Variants in ARPC4 observed in about 807,000 individuals in gnomAD.
ARPC4 encodes actin-related protein 2/3 complex subunit 4.
A neutral mutation model predicts 22.8 loss-of-function variants in ARPC4; 3 were observed. The observed-to-expected ratio is 0.13, with a 90% confidence interval of 0.06 to 0.34. The LOEUF (loss-of-function observed/expected upper bound fraction) is 0.34. ARPC4 is among the 10% of genes least tolerant of loss of function. ARPC4 has a pLI of 1.00. For missense variants in ARPC4, 98 were observed against 211.0 expected, an observed-to-expected ratio of 0.46 and a Z score of 3.32; for synonymous variants, 80 against 72.5, an observed-to-expected ratio of 1.10 and a Z score of -0.52.
rs1384884567 is a variant in ARPC4, at chr3:9,800,173, TTA to T, written c.123-10_123-9del. 6 of 1,613,550 alleles carry T rather than the reference TTA, an allele frequency of 3.7e-6. No homozygotes were observed. Among genetic ancestry groups the T allele is most frequent in the Non-Finnish European group, 5.1e-6 (6 of 1,179,746 alleles). ...TCTGTAGTACAAGTACTCTGTCACATTATGTTTTCAGGAGTAGCAAAGAGCTC... is the reference window on the plus strand; with the variant it reads ...TCTGTAGTACAAGTACTCTGTCACATTGTTTTCAGGAGTAGCAAAGAGCTC... On this transcript the variant is annotated splice_polypyrimidine_tract_variant and intron_variant, in intron 2 of 5. Coordinates refer to ENST00000397261, the MANE Select transcript of ARPC4 (RefSeq NM_005718.5).
rs1402759252 is a variant in ARPC4 at position 9,803,816 on chromosome 3, C to T, written c.331-27C>T. The T allele has an allele frequency of 6.2e-6, 10 of 1,606,300 alleles. No individual in the cohort carries two copies. The South Asian group carries it at 9.9e-5, about 16-fold the overall frequency. ...CTAATTCTCTCCTGTTCCTTCTCTTCCCCCTCCCTACTGTCTTCTTCCCTA... is the reference window on the plus strand; with the variant it reads ...CTAATTCTCTCCTGTTCCTTCTCTTTCCCCTCCCTACTGTCTTCTTCCCTA... On this transcript the variant is annotated intron_variant, in intron 4 of 5. Transcript: ENST00000397261.
chr3:9,802,113 C>A (rs2079021507), intron 4 of ARPC4, among the ~76,000 whole-genome samples: 1 of 151,150 alleles, frequency 6.6e-6, no homozygotes, highest in Non-Finnish European at 1.5e-5. Context: ...GTGGTGGGCG[C>A]CTGTAATCCT....
Position 9,800,165 on chromosome 3 carries a change from C to G in ARPC4, c.123-20C>G, listed in dbSNP as rs767431441. The G allele has an allele frequency of 1.2e-6, 2 of 1,613,056 alleles. No individual in the cohort carries two copies. The highest frequency in any genetic ancestry group is 1.7e-5 in the Admixed American group (1 of 59,912). On this transcript the variant is annotated intron_variant, in intron 2 of 5. Transcript: ENST00000397261. ...TCTATCCCTCTGTAGTACAAGTACT[C>G]TGTCACATTATGTTTTCAGGAGTAG...
At chr3:9,796,328 C>T (rs35657130) in intron 1 of ARPC4, among the ~76,000 whole-genome samples, 4 of 151,958 alleles carry the variant, frequency 2.6e-5, no homozygotes, top group African/African-American at 4.8e-5. Flanking sequence ...CAGGAGGCGG[C>T]GATTGCCGTG....
chr3:9,792,591 G>A, upstream of ARPC4: 1 of 1,230,228 alleles, frequency 8.1e-7, no homozygotes, highest in South Asian at 4.1e-5. Flanking sequence ...CTAGAGGTGG[G>A]GTGCGGGTGG....
At chr3:9,802,770 G>A (rs1030294536) in intron 4 of ARPC4, among the ~76,000 whole-genome samples, 2 of 149,704 alleles carry the variant, frequency 1.3e-5, no homozygotes, top group African/African-American at 4.9e-5. Context: ...CACCTCCCAG[G>A]TCAAGTGATT....
At chr3:9,805,458 G>A (rs1256125966) in intron 5 of ARPC4, among the ~76,000 whole-genome samples, 1 of 152,220 alleles carries the variant, frequency 6.6e-6, no homozygotes, top group Non-Finnish European at 1.5e-5. Context: ...CCAAAGGTCG[G>A]GTAGCTATGG....
rs2079014045 is a variant in ARPC4, at chr3:9,801,749, C to T, written c.323C>T (p.Pro108Leu). Residue 108 changes from proline (P) to leucine (L), a missense_variant, in exon 4 of 6, where the codon CCT (proline) becomes CTT (leucine). Transcript: ENST00000397261. ...AENFFILRRK[P>L]VEGYDISFLI... ...AACTTCTTTATCCTTCGAAGGAAGC[C>T]TGTGGAGGTGAGACCCTGTGACCCA... is the stretch of plus-strand genomic sequence containing the variant. 1 of 1,599,988 alleles carries T rather than the reference C, an allele frequency of 6.3e-7. No individual in the cohort carries two copies. Among genetic ancestry groups the T allele is most frequent in the Non-Finnish European group, 8.5e-7 (1 of 1,171,204 alleles).
chr3:9,794,063 A>G (rs771114909), intron 1 of ARPC4, among the ~76,000 whole-genome samples: 72 of 148,744 alleles, frequency 4.8e-4, no homozygotes, highest in Admixed American at 4.7e-4. Context: ...AAAAATCTGT[A>G]TTTTTTTTTT....
chr3:9,803,060 T>A (rs1300276411), intron 4 of ARPC4, among the ~76,000 whole-genome samples: 1 of 152,102 alleles, frequency 6.6e-6, no homozygotes, highest in Non-Finnish European at 1.5e-5. Context: ...ATTTTTTGTA[T>A]TTTTAGTAGA....
chr3:9,792,780 A>C, upstream of ARPC4: 1 of 1,258,572 alleles, frequency 7.9e-7, no homozygotes, highest in Non-Finnish European at 1.0e-6. Flanking sequence ...GGCTTGTCCT[A>C]ATTTGGTGCC....
At chr3:9,804,047 C>T in intron 5 of ARPC4, 34 bp downstream of exon 5, 3 of 1,608,938 alleles carry the variant, frequency 1.9e-6, no homozygotes, top group South Asian at 1.1e-5. Context: ...CTTCCAGAGG[C>T]CAGAGGATCT....
intron 5 of ARPC4, among the ~76,000 whole-genome samples, chr3:9,804,509 GTTGT>G (rs1397628568): frequency 6.6e-6 from 1 of 152,154 alleles, no homozygotes; most frequent in Non-Finnish European, 1.5e-5. Context: ...TTCCTCTTAC[GTTGT>G]TTATGTCTTT....
At chr3:9,797,058 CAT>C (rs1291746562) in intron 1 of ARPC4, among the ~76,000 whole-genome samples, 5 of 149,202 alleles carry the variant, frequency 3.4e-5, no homozygotes, top group Admixed American at 6.6e-5. Flanking sequence ...AAATATTTCA[CAT>C]GTCATCTTTA....
chr3:9,800,215 G>A lies in ARPC4; in HGVS notation c.153G>A (p.Val51=). The A allele has an allele frequency of 6.2e-7, 1 of 1,614,080 alleles. No individual in the cohort carries two copies. The highest frequency in any genetic ancestry group is 8.5e-7 in the Non-Finnish European group (1 of 1,180,022). The change falls in exon 3 of 6, where the codon GTG becomes GTA. Residue 51 remains valine, a synonymous_variant. Coordinates refer to ENST00000397261, the MANE Select transcript of ARPC4 (RefSeq NM_005718.5). ...RSSKELLLQP[V]TISRNEKEKV... ...GCAAAGAGCTCCTGTTACAACCTGT[G>A]ACCATCAGCAGGAATGAGAAGGAAA...
intron 1 of ARPC4, 36 bp from the exon 2 acceptor site, chr3:9,797,623 T>G: frequency 6.3e-7 from 1 of 1,598,216 alleles, no homozygotes; most frequent in Non-Finnish European, 8.6e-7. Flanking sequence ...CGTGACAGAT[T>G]TTGATCTTCC....
chr3:9,798,205 T>C (rs1383859414), intron 2 of ARPC4: 1 of 155,442 alleles, frequency 6.4e-6, no homozygotes, highest in Non-Finnish European at 1.4e-5. Context: ...CTAGACACTC[T>C]GACCCCCTAA....
At position 9,804,013 on chromosome 3, in the gene ARPC4, T is replaced by G; in HGVS notation, c.501T>G (p.Asn167Lys). The change falls in exon 5 of 6, where the codon AAT (asparagine) becomes AAG (lysine). Residue 167 changes from asparagine (N) to lysine (K), a missense_variant and splice_region_variant. By Grantham distance (94) the Asn-to-Lys change is moderately conservative (BLOSUM62 0). Transcript: ENST00000397261. ...ARIVAEEFLK[N>K]F ...TTGTGGCTGAAGAGTTCCTTAAGAA[T>G]GTGAGTAGGGGCCTTTAGCTTTCCT... 6.2e-7 allele frequency: 1 copy of G among 1,613,942 alleles called. No individual in the cohort carries two copies. Among genetic ancestry groups the G allele is most frequent in the East Asian group, 2.2e-5 (1 of 44,884 alleles).
At chr3:9,803,299 A>G (rs1231028697) in intron 4 of ARPC4, among the ~76,000 whole-genome samples, 1 of 152,218 alleles carries the variant, frequency 6.6e-6, no homozygotes, top group Non-Finnish European at 1.5e-5. Flanking sequence ...CCCAGTGACT[A>G]AGCAACTACC....
Sources: gnomAD v4.1 joint callset for allele counts (sites outside exome capture counted in the v4.1 genomes callset) on GRCh38, gnomAD v4.1.1 for gene constraint, MANE v1.5 for transcripts, NCBI Gene and HGNC (gene_info 2026-07-23, HGNC 2026-07-21) for gene names.